Variants in ARID1B observed in about 807,000 individuals in gnomAD.
ARID1B encodes the protein AT-rich interactive domain-containing protein 1B.
Under a neutral mutation model 212.3 loss-of-function variants are expected in ARID1B, and 30 were observed. The ratio of observed to expected loss-of-function variants is 0.14; its 90% CI spans 0.11 to 0.19. The LOEUF (loss-of-function observed/expected upper bound fraction) is 0.19, where lower values mean the gene tolerates loss of function less well. ARID1B is among the 10% of genes least tolerant of loss of function. The pLI is 1.00. For missense variants in ARID1B, 2,891 were observed against 3,204.0 expected (o/e 0.90, Z 2.36); for synonymous variants, 1,402 against 1,301.7 (o/e 1.08, Z -1.66).
At chr6:156,895,532 C>T (rs1788309443) in intron 2 of ARID1B, among the ~76,000 whole-genome samples, 2 of 152,196 alleles carry the variant, frequency 1.3e-5, no homozygotes, top group Admixed American at 6.5e-5. Context: ...GGAAGGACAC[C>T]TCCTGGGGTG....
At chr6:156,797,105 A>G (rs1169633384) in intron 1 of ARID1B, among the ~76,000 whole-genome samples, 1 of 152,194 alleles carries the variant, frequency 6.6e-6, no homozygotes, top group Non-Finnish European at 1.5e-5. Context: ...TATTCATCAA[A>G]TAGCTGCTGC....
intron 1 of ARID1B, among the ~76,000 whole-genome samples, chr6:156,825,340 A>T (rs287876): frequency 0.98 from 149,155 of 152,336 alleles, 73,041 homozygotes; most frequent in East Asian, 1. Flanking sequence ...TGTATGAGTA[A>T]CTGTTTTTCT....
rs2114976830 is a variant in ARID1B at position 156,778,512 on chromosome 6, C to G, written c.832C>G (p.Pro278Ala). The G allele has an allele frequency of 8.1e-7, 1 of 1,238,982 alleles. No individual in the cohort carries two copies. The highest frequency in any genetic ancestry group is 1.0e-6 in the Non-Finnish European group (1 of 994,710). The allele number at this position is 1,238,982 out of a possible 1,614,324, so 76.7% of individuals were successfully genotyped here. ...CGACGCGCCGCCCAAGATGGGGGAG[C>G]CGGCGGGCGGCCGCTACGAGCACCC... The part of the protein sequence containing the change: ...EDDAPPKMGE[P>A]AGGRYEHPGL... The change falls in exon 1 of 20, where the codon CCG becomes GCG. Residue 278 changes from proline to alanine, a missense_variant. By Grantham distance (27) the Pro-to-Ala change is conservative. Coordinates refer to ENST00000636930, the MANE Select transcript of ARID1B (RefSeq NM_001374828.1).
chr6:156,963,751 C>T (rs149166938), intron 4 of ARID1B, among the ~76,000 whole-genome samples: 9 of 152,256 alleles, frequency 5.9e-5, no homozygotes, highest in African/African-American at 1.7e-4. Context: ...CTTCTCCTCT[C>T]AGTATATTTA....
chr6:156,957,898 C>T (rs1385819938), intron 4 of ARID1B, among the ~76,000 whole-genome samples: 1 of 152,194 alleles, frequency 6.6e-6, no homozygotes, highest in Non-Finnish European at 1.5e-5. Context: ...CCCCAAACAA[C>T]TGGAGTTCTG....
chr6:157,058,596 T>C (rs1037133768), intron 4 of ARID1B, among the ~76,000 whole-genome samples: 1 of 152,208 alleles, frequency 6.6e-6, no homozygotes, highest in African/African-American at 2.4e-5. Flanking sequence ...GCCAAATTAT[T>C]TATTTCCTGC....
At chr6:157,086,986 C>T (rs906761626) in intron 5 of ARID1B, among the ~76,000 whole-genome samples, 5 of 152,166 alleles carry the variant, frequency 3.3e-5, no homozygotes, top group East Asian at 1.9e-4. Flanking sequence ...TTCTTGGACA[C>T]GTTATTTAAA....
intron 6 of ARID1B, among the ~76,000 whole-genome samples, chr6:157,120,870 C>G (rs192653871): frequency 6.6e-6 from 1 of 152,160 alleles, no homozygotes; most frequent in Non-Finnish European, 1.5e-5. Context: ...TGACGAGGCA[C>G]CTTTGATGAA....
At chr6:156,794,265 T>C (rs1354444551) in intron 1 of ARID1B, among the ~76,000 whole-genome samples, 1 of 152,166 alleles carries the variant, frequency 6.6e-6, no homozygotes, top group East Asian at 1.9e-4. Context: ...TTTTCTTTTT[T>C]TGGAGACAGA....
intron 5 of ARID1B, among the ~76,000 whole-genome samples, chr6:157,105,847 G>A (rs922030768): frequency 3.3e-5 from 5 of 152,144 alleles, no homozygotes; most frequent in African/African-American, 4.8e-5. Flanking sequence ...TGATCCGCCC[G>A]CCTCAGCCTC....
rs547811035 is a variant in ARID1B, at chr6:157,094,976, G to A, written c.2491+10071G>A. On this transcript the variant is annotated intron_variant, in intron 5 of 19. Transcript: ENST00000636930. The surrounding 1 kb of genome is among the most constrained non-coding windows in gnomAD (Gnocchi z 4.3). ...TGGTTTTAAACATACTGTATTTGAG[G>A]TTCCTACTGGGCATCCTAAGGGAGG... 6.6e-6 allele frequency among the ~76,000 whole-genome samples: 1 copy of A among 152,278 alleles called. No homozygotes were observed. Among genetic ancestry groups the A allele is most frequent in the East Asian group, 1.9e-4 (1 of 5,184 alleles).
intron 4 of ARID1B, among the ~76,000 whole-genome samples, chr6:156,984,341 A>G (rs1239206615): frequency 1.3e-5 from 2 of 152,210 alleles, no homozygotes; most frequent in Non-Finnish European, 2.9e-5. Flanking sequence ...ATGTCTCATC[A>G]GAATGGAATT....
chr6:157,166,848 A>G, intron 8 of ARID1B, 192 bp from the exon 9 acceptor site: 1 of 576,340 alleles, frequency 1.7e-6, no homozygotes, highest in Non-Finnish European at 2.8e-6. Context: ...TTGGAATTGT[A>G]AAGGGGTGTA....
At position 156,829,432 on chromosome 6, in the gene ARID1B, G is replaced by A. The variant is rs2128047405; in HGVS notation, c.1986+11G>A. ...TACCCTCAGCAGCAGGTTTGTGCTG[G>A]TCCCCCGACCCGCTGCTTTTTTGTA... On this transcript the variant is annotated intron_variant, in intron 2 of 19. Coordinates refer to ENST00000636930, the MANE Select transcript of ARID1B (RefSeq NM_001374828.1). 1.2e-6 allele frequency: 2 copies of A among 1,611,092 alleles called. No homozygotes were observed. The highest frequency in any genetic ancestry group is 2.2e-5 in the East Asian group (1 of 44,808).
chr6:156,783,680 AT>A (rs1562382534), intron 1 of ARID1B, among the ~76,000 whole-genome samples: 1 of 152,144 alleles, frequency 6.6e-6, no homozygotes, highest in African/African-American at 2.4e-5. Flanking sequence ...TTTGATGAAC[AT>A]TTGTTAGGGT....
intron 2 of ARID1B, among the ~76,000 whole-genome samples, chr6:156,898,267 G>A (rs1160583626): frequency 6.6e-6 from 1 of 152,180 alleles, no homozygotes; most frequent in Middle Eastern, 3.2e-3. Context: ...AAAACTCTCA[G>A]CAATCAGAAT....
chr6:157,183,101 A>G (rs1002612724), intron 12 of ARID1B, among the ~76,000 whole-genome samples: 1 of 152,144 alleles, frequency 6.6e-6, no homozygotes, highest in South Asian at 2.1e-4. Context: ...TCCCCACCCC[A>G]TCATGCTGTG....
In ARID1B at chr6:156,935,455, T is replaced by G. The variant is rs920032872; in HGVS notation, c.2137-11T>G. The G allele has an allele frequency of 1.9e-6, 3 of 1,541,834 alleles. No individual in the cohort carries two copies. Among genetic ancestry groups the G allele is most frequent in the African/African-American group, 2.8e-5 (2 of 72,492 alleles). On this transcript the variant is annotated splice_polypyrimidine_tract_variant and intron_variant, in intron 3 of 19. Coordinates refer to ENST00000636930, the MANE Select transcript of ARID1B (RefSeq NM_001374828.1). ...ATTTATGAAGTGCTTTGTGTTTGTGTTTTTTTTTAGGACATGTCTCAGGAA... is the reference window on the plus strand; with the variant it reads ...ATTTATGAAGTGCTTTGTGTTTGTGGTTTTTTTTAGGACATGTCTCAGGAA...
intron 4 of ARID1B, among the ~76,000 whole-genome samples, chr6:156,979,898 G>A (rs1199680343): frequency 6.7e-6 from 1 of 150,008 alleles, no homozygotes; most frequent in Admixed American, 6.6e-5. Flanking sequence ...TTTGAGACAG[G>A]GTCTCACTCT....
Sources: gnomAD v4.1 joint callset for allele counts (sites outside exome capture counted in the v4.1 genomes callset) on GRCh38, gnomAD v4.1.1 for gene constraint, Gnocchi (gnomAD v3.1) non-coding constraint, MANE v1.5 for transcripts, NCBI Gene and HGNC (gene_info 2026-07-23, HGNC 2026-07-21) for gene names.